The following DIAPH2 variants were observed in gnomAD, a reference collection of about 807,000 sequenced individuals.
The protein encoded by DIAPH2 is protein diaphanous homolog 2.
A neutral mutation model predicts 92.7 loss-of-function variants in DIAPH2; 35 were observed. The ratio of observed to expected loss-of-function variants is 0.38; its 90% CI spans 0.29 to 0.50. The LOEUF is 0.50. Ranked by LOEUF, DIAPH2 falls within the 20% of genes least tolerant of loss-of-function variation. The pLI, the probability that DIAPH2 is intolerant of heterozygous loss-of-function variation, is 0.94. For synonymous variants in DIAPH2, 301 were observed against 280.4 expected (o/e 1.07, Z -0.73); for missense variants, 701 against 819.5 (o/e 0.86, Z 1.77).
chrX:96,840,250 T>C (rs1385105641), intron 4 of DIAPH2, among the ~76,000 whole-genome samples: 1 of 112,068 alleles, frequency 8.9e-6, no homozygotes, highest in Non-Finnish European at 1.9e-5. Context: ...TCTCGATTTA[T>C]TTCCCATCCC....
chrX:97,156,444 A>G (rs1445744178), intron 22 of DIAPH2, among the ~76,000 whole-genome samples: 2 of 112,543 alleles, frequency 1.8e-5, no homozygotes, highest in Non-Finnish European at 3.7e-5. Context: ...AACCTCCAGA[A>G]AGACACATAT....
intron 23 of DIAPH2, among the ~76,000 whole-genome samples, chrX:97,312,345 CTT>C (rs56309139): frequency 0.012 from 660 of 54,988 alleles, 49 homozygotes; most frequent in East Asian, 0.079. Context: ...CAATAGAATC[CTT>C]TTTTTTTTTT....
At position 97,601,642 on chromosome X, in the gene DIAPH2, G is replaced by T. The variant is rs917313064; in HGVS notation, c.*2325G>T. On this transcript the variant is annotated 3_prime_UTR_variant, in exon 27 of 27. Transcript: ENST00000324765. ...CAAATTACACTAAGGTCTTTTGTTGGCCATATTACTGCCACACATGAGAAG... is the reference window on the plus strand; with the variant it reads ...CAAATTACACTAAGGTCTTTTGTTGTCCATATTACTGCCACACATGAGAAG... 1.8e-5 allele frequency: 2 copies of T among 111,669 alleles called. No homozygotes were observed. Among genetic ancestry groups the T allele is most frequent in the African/African-American group, 6.5e-5 (2 of 30,675 alleles). The allele number at this position is 111,669 out of a possible 1,213,427, so 9.2% of individuals were successfully genotyped here. A position where few individuals can be genotyped will look rare whatever the true frequency, so the allele number is the denominator to read the frequency against.
At chrX:96,850,824 T>C (rs139177594) in intron 4 of DIAPH2, among the ~76,000 whole-genome samples, 5,803 of 112,057 alleles carry the variant, frequency 0.052, 176 homozygotes, top group Middle Eastern at 0.13. Context: ...GAAATTATTG[T>C]CAGACATACT....
intron 17 of DIAPH2, among the ~76,000 whole-genome samples, chrX:96,971,818 A>G (rs1033400308): frequency 2.7e-5 from 3 of 111,785 alleles, no homozygotes; most frequent in Non-Finnish European, 3.8e-5. Context: ...TACAGGATCA[A>G]TTATGCATCA....
intron 26 of DIAPH2, among the ~76,000 whole-genome samples, chrX:97,514,979 C>A (rs1326190880): frequency 9.0e-6 from 1 of 110,553 alleles, no homozygotes; most frequent in African/African-American, 3.3e-5. Context: ...CTGTGCCCTG[C>A]CCCCAGAGGT....
rs1337456884 is a variant in DIAPH2, at chrX:96,690,000, T to A, written c.132+4810T>A. Among the ~76,000 whole-genome samples the A allele has an allele frequency of 6.4e-5, 7 of 108,867 alleles. No homozygotes were observed. In the Admixed American group the frequency reaches 6.9e-4, roughly 11 times the overall value. The allele number at this position is 108,867 out of a possible 115,157, so 94.5% of individuals were successfully genotyped here. ...TATTTGTATGTGCCTTTTTTTTTTTTAAAGTATATGTACTCCATCAATTGA... is the reference window on the plus strand; with the variant it reads ...TATTTGTATGTGCCTTTTTTTTTTTAAAAGTATATGTACTCCATCAATTGA... On this transcript the variant is annotated intron_variant, in intron 1 of 26. Transcript: ENST00000324765.
chrX:96,950,841 A>C (rs1311793984), intron 15 of DIAPH2, among the ~76,000 whole-genome samples: 1 of 111,238 alleles, frequency 9.0e-6, no homozygotes, highest in Non-Finnish European at 1.9e-5. Flanking sequence ...CTAGGCTCTG[A>C]CTGCTCCCCT....
At chrX:96,764,496 C>A (rs930512145) in intron 4 of DIAPH2, among the ~76,000 whole-genome samples, 1 of 111,260 alleles carries the variant, frequency 9.0e-6, no homozygotes. Context: ...GAAGTCCAGG[C>A]GGCAAATTAT....
chrX:96,943,846 G>A (rs2065722063), intron 13 of DIAPH2, among the ~76,000 whole-genome samples: 1 of 111,310 alleles, frequency 9.0e-6, no homozygotes, highest in East Asian at 2.8e-4. Context: ...AGAGAGGATA[G>A]TCAGCATCAT....
At chrX:96,752,304 T>TA (rs2064199464) in intron 3 of DIAPH2, among the ~76,000 whole-genome samples, 1 of 111,803 alleles carries the variant, frequency 8.9e-6, no homozygotes, top group Non-Finnish European at 1.9e-5. Flanking sequence ...TTTATAAGTA[T>TA]AAAAAACTGT....
At chrX:97,232,531 T>C (rs2068017708) in intron 22 of DIAPH2, among the ~76,000 whole-genome samples, 1 of 111,427 alleles carries the variant, frequency 9.0e-6, no homozygotes, top group African/African-American at 3.3e-5. Flanking sequence ...CCGGCCCCTC[T>C]TTCTTTTCTC....
chrX:96,880,289 G>A (rs2065204849), intron 4 of DIAPH2, among the ~76,000 whole-genome samples: 1 of 111,523 alleles, frequency 9.0e-6, no homozygotes, highest in African/African-American at 3.3e-5. Flanking sequence ...AATATTTTAA[G>A]TGCTATAATA....
At chrX:96,846,536 A>C (rs2064973680) in intron 4 of DIAPH2, among the ~76,000 whole-genome samples, 2 of 112,330 alleles carry the variant, frequency 1.8e-5, no homozygotes, top group African/African-American at 6.5e-5. Context: ...AATAAAGCAA[A>C]TGTATAAATA....
intron 26 of DIAPH2, among the ~76,000 whole-genome samples, chrX:97,586,815 A>ATAAC (rs1457774528): frequency 1.8e-5 from 2 of 111,951 alleles, no homozygotes; most frequent in African/African-American, 6.5e-5. Context: ...AGCACACACT[A>ATAAC]TAACTCTCTT....
chrX:97,561,406 T>C (rs1300636480), intron 26 of DIAPH2, among the ~76,000 whole-genome samples: 2 of 112,345 alleles, frequency 1.8e-5, no homozygotes, highest in African/African-American at 6.5e-5. Flanking sequence ...CTGCTGCCTG[T>C]GATGTGTTTT....
Position 97,281,862 on chromosome X carries a change from T to C in DIAPH2, c.2844+34023T>C, listed in dbSNP as rs184381565. Among the ~76,000 whole-genome samples the C allele has an allele frequency of 1.0e-2, 1,112 of 111,700 alleles. 21 individuals carry two copies. The highest frequency in any genetic ancestry group is 0.035 in the African/African-American group (1,063 of 30,777). On this transcript the variant is annotated intron_variant, in intron 23 of 26. Transcript: ENST00000324765. ...ATTGTATAATGTAAAGCTCCTTAGC[T>C]TGATGTATAATGAAAAAATGTAGAT...
At chrX:96,831,048 T>A (rs2064851482) in intron 4 of DIAPH2, among the ~76,000 whole-genome samples, 1 of 112,144 alleles carries the variant, frequency 8.9e-6, no homozygotes, top group Non-Finnish European at 1.9e-5. Context: ...CCTGGCTTAG[T>A]GTGCTCCAAC....
At chrX:96,840,376 T>A (rs985057204) in intron 4 of DIAPH2, among the ~76,000 whole-genome samples, 1 of 111,517 alleles carries the variant, frequency 9.0e-6, no homozygotes, top group African/African-American at 3.3e-5. Context: ...TCTTCTGTAG[T>A]TTTGGAGAGT....
Sources: gnomAD v4.1 joint callset for allele counts (sites outside exome capture counted in the v4.1 genomes callset) on GRCh38, gnomAD v4.1.1 for gene constraint, MANE v1.5 for transcripts, NCBI Gene and HGNC (gene_info 2026-07-23, HGNC 2026-07-21) for gene names.